The following CADM2 variants were observed in gnomAD, a reference collection of about 807,000 sequenced individuals.
CADM2 encodes the protein cell adhesion molecule 2.
In CADM2, 12 loss-of-function variants were observed where a neutral mutation model predicts 49.8. The observed-to-expected ratio is 0.24, with a 90% CI of 0.15 to 0.39. The LOEUF is 0.39. Among genes scored for constraint, CADM2 ranks in the 10% least tolerant of loss-of-function variants. CADM2 has a pLI of 1.00. For missense variants in CADM2, 378 were observed against 492.3 expected, an observed-to-expected ratio of 0.77 and a Z score of 2.20; for synonymous variants, 214 against 175.4, an observed-to-expected ratio of 1.22 and a Z score of -1.74.
chr3:85,793,012 TTAAC>T (rs928797812), intron 2 of CADM2, among the ~76,000 whole-genome samples: 1 of 152,106 alleles, frequency 6.6e-6, no homozygotes, highest in Non-Finnish European at 1.5e-5. Flanking sequence ...GGGACAGCTC[TTAAC>T]TAACTGAGGT....
intron 1 of CADM2, among the ~76,000 whole-genome samples, chr3:84,980,863 T>C (rs1364216000): frequency 6.6e-6 from 1 of 152,160 alleles, no homozygotes; most frequent in Non-Finnish European, 1.5e-5. Flanking sequence ...ATTTTGGAGA[T>C]ACTGTGAGCA....
intron 3 of CADM2, among the ~76,000 whole-genome samples, chr3:85,844,939 C>G (rs771343623): frequency 6.6e-6 from 1 of 151,150 alleles, no homozygotes; most frequent in Non-Finnish European, 1.5e-5. Flanking sequence ...TACGTTAAAG[C>G]GAGGAGTTTG....
At chr3:85,614,125 G>C (rs2063742084) in intron 1 of CADM2, among the ~76,000 whole-genome samples, 1 of 151,460 alleles carries the variant, frequency 6.6e-6, no homozygotes, top group Non-Finnish European at 1.5e-5. Flanking sequence ...AAAAAGATTA[G>C]TAAATCCAAG....
At chr3:85,737,971 A>C (rs894903129) in intron 2 of CADM2, among the ~76,000 whole-genome samples, 4 of 152,160 alleles carry the variant, frequency 2.6e-5, no homozygotes, top group African/African-American at 7.2e-5. Flanking sequence ...AGATGGGTTA[A>C]TCATCTGATG....
At chr3:85,996,743 A>G (rs1190690655) in intron 8 of CADM2, among the ~76,000 whole-genome samples, 2 of 152,184 alleles carry the variant, frequency 1.3e-5, no homozygotes, top group African/African-American at 4.8e-5. Context: ...ATTATTTACT[A>G]TACATCCCCA....
chr3:85,112,688 G>A lies in CADM2; in HGVS notation c.61+153020G>A, dbSNP rs181698197. Among the ~76,000 whole-genome samples the A allele has an allele frequency of 2.1e-3, 316 of 151,724 alleles. 3 individuals are homozygous for A. The highest frequency in any genetic ancestry group is 7.4e-3 in the African/African-American group (305 of 41,456). ...TATTAACTCTACTCTTGAGGATTCA[G>A]GGTGAATTCTTCTATAAAATAACAG... On this transcript the variant is annotated intron_variant, in intron 1 of 9. Coordinates refer to ENST00000383699, the MANE Select transcript of CADM2 (RefSeq NM_001167675.2).
intron 1 of CADM2, among the ~76,000 whole-genome samples, chr3:85,661,580 T>TC (rs1425006135): frequency 6.6e-6 from 1 of 152,016 alleles, no homozygotes; most frequent in Non-Finnish European, 1.5e-5. Context: ...ATATGAAATG[T>TC]CCATGTCTTT....
At chr3:84,960,956 T>G (rs1185597732) in intron 1 of CADM2, among the ~76,000 whole-genome samples, 1 of 152,040 alleles carries the variant, frequency 6.6e-6, no homozygotes, top group Non-Finnish European at 1.5e-5. Flanking sequence ...GTGTGAGATA[T>G]AGCAAGGATG....
chr3:85,091,943 CA>C (rs1431204946), intron 1 of CADM2, among the ~76,000 whole-genome samples: 1 of 152,022 alleles, frequency 6.6e-6, no homozygotes, highest in Non-Finnish European at 1.5e-5. Context: ...AAAGTTGTAG[CA>C]ATTGAATAAA....
chr3:85,399,436 C>T (rs1437056167), intron 1 of CADM2, among the ~76,000 whole-genome samples: 1 of 152,076 alleles, frequency 6.6e-6, no homozygotes, highest in African/African-American at 2.4e-5. Flanking sequence ...GTTCTTTTGG[C>T]TTAGGATTCT....
chr3:85,325,139 A>G (rs2107123582), intron 1 of CADM2, among the ~76,000 whole-genome samples: 1 of 152,368 alleles, frequency 6.6e-6, no homozygotes, highest in East Asian at 1.9e-4. Flanking sequence ...GAAGTTTTGA[A>G]TCATGGTTAC....
In CADM2 at chr3:86,069,117, C is replaced by G. The variant is rs1442016922; in HGVS notation, c.*2334C>G. The G allele has an allele frequency of 3.9e-5, 6 of 151,960 alleles. No homozygotes were observed. The highest frequency in any genetic ancestry group is 3.9e-4 in the Admixed American group (6 of 15,254). 9.4% of individuals were successfully genotyped at this position (151,960 alleles called of 1,614,324 possible). A position where few individuals can be genotyped will look rare whatever the true frequency, so the allele number is the denominator to read the frequency against. On this transcript the variant is annotated 3_prime_UTR_variant, in exon 10 of 10. Transcript: ENST00000383699. ...TCAGGATGCACTTACAAAATTGCTA[C>G]TCTTCATCGATGCCGTATTTACATC...
intron 1 of CADM2, among the ~76,000 whole-genome samples, chr3:85,492,502 G>T (rs1054184197): frequency 6.6e-6 from 1 of 151,996 alleles, no homozygotes; most frequent in African/African-American, 2.4e-5. Flanking sequence ...TGAGGCAGGA[G>T]AATGGCTTGA....
At chr3:85,154,845 C>G (rs2040052058) in intron 1 of CADM2, among the ~76,000 whole-genome samples, 1 of 149,008 alleles carries the variant, frequency 6.7e-6, no homozygotes, top group Non-Finnish European at 1.5e-5. Context: ...AACTAAGCTT[C>G]ATAAGTGAAG....
At chr3:85,927,830 G>C (rs1463894408) in intron 6 of CADM2, among the ~76,000 whole-genome samples, 1 of 135,468 alleles carries the variant, frequency 7.4e-6, no homozygotes. Flanking sequence ...GAAATACGTT[G>C]TTTTTTATTT....
intron 1 of CADM2, among the ~76,000 whole-genome samples, chr3:85,493,883 T>G (rs910278902): frequency 6.6e-6 from 1 of 152,186 alleles, no homozygotes; most frequent in Admixed American, 6.5e-5. Context: ...TAAAATAGAA[T>G]GTAATTTTTT....
intron 1 of CADM2, among the ~76,000 whole-genome samples, chr3:85,436,734 A>G (rs901944543): frequency 6.6e-6 from 1 of 152,204 alleles, no homozygotes; most frequent in Non-Finnish European, 1.5e-5. Context: ...AAAAATAAGC[A>G]GAAAGTGCTA....
At chr3:85,693,850 C>G (rs1399566623) in intron 1 of CADM2, among the ~76,000 whole-genome samples, 1 of 143,624 alleles carries the variant, frequency 7.0e-6, no homozygotes, top group Non-Finnish European at 1.5e-5. Flanking sequence ...GAGCCAAGAT[C>G]GCACCACTGT....
intron 1 of CADM2, among the ~76,000 whole-genome samples, chr3:85,609,540 A>G (rs759330577): frequency 6.6e-6 from 1 of 152,082 alleles, no homozygotes; most frequent in Non-Finnish European, 1.5e-5. Context: ...GGTACAGGAT[A>G]GATTCTCAAA....
Sources: allele counts gnomAD v4.1 joint callset (sites outside exome capture counted in the v4.1 genomes callset), GRCh38; gene constraint gnomAD v4.1.1; transcripts MANE v1.5; gene names NCBI Gene and HGNC (gene_info 2026-07-23, HGNC 2026-07-21).